The following PCDHGA8 variants were observed in gnomAD, a reference collection of about 807,000 sequenced individuals.
PCDHGA8 encodes protocadherin gamma-A8.
In PCDHGA8, 45 loss-of-function variants were observed where a neutral mutation model predicts 59.2. The observed-to-expected ratio is 0.76, with a 90% CI of 0.60 to 0.98. The LOEUF is 0.98. PCDHGA8 is among the 50% of genes least tolerant of loss of function. PCDHGA8 has a pLI of 0.00. For synonymous variants in PCDHGA8, 531 were observed against 519.0 expected, an observed-to-expected ratio of 1.02 and a Z score of -0.32; for missense variants, 1,257 against 1,196.2, an observed-to-expected ratio of 1.05 and a Z score of -0.75.
At chr5:141,457,929 C>T (rs1207409757) in intron 1 of PCDHGA8, among the ~76,000 whole-genome samples, 2 of 152,194 alleles carry the variant, frequency 1.3e-5, no homozygotes, top group Non-Finnish European at 2.9e-5. Context: ...CCCCAAGGGG[C>T]TTTTATTGGC....
At position 141,493,093 on chromosome 5, in the gene PCDHGA8, A is replaced by G. The variant is rs78102761; in HGVS notation, c.2425-1714A>G. On this transcript the variant is annotated intron_variant, in intron 1 of 3. Transcript: ENST00000398604. The surrounding 1 kb of genome is among the most constrained non-coding windows in gnomAD (Gnocchi z 4.3). ...CTCCAACTCCAGGAGCTTTTATTCA[A>G]AATATATCAATGCCTAACTCTGCTC... 0.034 allele frequency among the ~76,000 whole-genome samples: 5,198 copies of G among 152,282 alleles called. 159 individuals carry two copies. Among genetic ancestry groups the G allele is most frequent in the African/African-American group, 0.079 (3,275 of 41,546 alleles).
intron 1 of PCDHGA8, chr5:141,410,447 C>T (rs760711107): frequency 3.1e-6 from 5 of 1,613,984 alleles, no homozygotes; most frequent in African/African-American, 2.7e-5. Context: ...GGGGACTTTG[C>T]CTTATTCTTA....
At chr5:141,420,259 G>A (rs775335307) in intron 1 of PCDHGA8, 8 of 1,564,678 alleles carry the variant, frequency 5.1e-6, no homozygotes, top group Non-Finnish European at 6.9e-6. Context: ...AAGCAGATAA[G>A]AAGATTCTTA....
At chr5:141,415,157 C>T in intron 1 of PCDHGA8, 1 of 1,613,864 alleles carries the variant, frequency 6.2e-7, no homozygotes, top group Non-Finnish European at 8.5e-7. Flanking sequence ...CTCTCCGCCA[C>T]TGTCACGCTC....
At chr5:141,414,421 A>G (rs1250470349) in intron 1 of PCDHGA8, 1 of 1,613,776 alleles carries the variant, frequency 6.2e-7, no homozygotes, top group African/African-American at 1.3e-5. Flanking sequence ...AGCCCTTGAC[A>G]GGGAACAGGT....
chr5:141,423,078 C>T (rs752144906), intron 1 of PCDHGA8: 2 of 1,614,108 alleles, frequency 1.2e-6, no homozygotes, highest in Non-Finnish European at 1.7e-6. Context: ...AGCCGGGACT[C>T]TTCGCGGTGG....
chr5:141,415,332 G>A (rs758125316), intron 1 of PCDHGA8: 1 of 1,614,214 alleles, frequency 6.2e-7, no homozygotes, highest in South Asian at 1.1e-5. Context: ...TGGCGCACAG[G>A]CTGCGGCGCT....
intron 1 of PCDHGA8, chr5:141,427,261 C>A (rs903526432): frequency 1.5e-5 from 7 of 456,556 alleles, no homozygotes; most frequent in African/African-American, 4.0e-5. Flanking sequence ...GGAGGCATGA[C>A]CAGCGAATGT....
intron 1 of PCDHGA8, among the ~76,000 whole-genome samples, chr5:141,465,319 T>A (rs184635197): frequency 4.6e-5 from 7 of 152,324 alleles, no homozygotes; most frequent in Admixed American, 1.3e-4. Flanking sequence ...GCCATGTCAA[T>A]GCAGTATTTT....
intron 1 of PCDHGA8, among the ~76,000 whole-genome samples, chr5:141,457,873 G>C (rs967389295): frequency 2.0e-5 from 3 of 152,200 alleles, no homozygotes; most frequent in Non-Finnish European, 4.4e-5. Context: ...CCACAGGTTA[G>C]GAACCCTGTG....
chr5:141,444,282 C>T (rs1341316344), intron 1 of PCDHGA8, among the ~76,000 whole-genome samples: 1 of 148,268 alleles, frequency 6.7e-6, no homozygotes, highest in African/African-American at 2.5e-5. Flanking sequence ...AGTGATTCTC[C>T]TGCCTCAGCC....
In PCDHGA8 at chr5:141,414,101, A is replaced by G. The variant is rs759223225; in HGVS notation, c.2424+18864A>G. On this transcript the variant is annotated intron_variant, in intron 1 of 3. Transcript: ENST00000398604. ...TATACTGGAGAAATAAAAATATCAG[A>G]AAATCTAGATTATGAAGAAACCGGT... 1.9e-6 allele frequency: 3 copies of G among 1,593,930 alleles called. No individual in the cohort carries two copies. The African/African-American group carries it at 4.0e-5, about 21-fold the overall frequency.
At position 141,431,784 on chromosome 5, in the gene PCDHGA8, A is replaced by G; in HGVS notation, c.2424+36547A>G. On this transcript the variant is annotated intron_variant, in intron 1 of 3. Coordinates refer to ENST00000398604, the MANE Select transcript of PCDHGA8 (RefSeq NM_032088.2). The surrounding 1 kb of genome is among the most constrained non-coding windows in gnomAD (Gnocchi z 4.8). ...CTGATCACTGTTCTGGACGTGAACG[A>G]CAATGCCCCAGAAGTGGTCCTCACC... 1 of 1,614,220 alleles carries G rather than the reference A, an allele frequency of 6.2e-7. No individual in the cohort carries two copies. Among genetic ancestry groups the G allele is most frequent in the Non-Finnish European group, 8.5e-7 (1 of 1,180,022 alleles).
At chr5:141,509,551 C>T (rs2099877337) in intron 3 of PCDHGA8, among the ~76,000 whole-genome samples, 1 of 152,164 alleles carries the variant, frequency 6.6e-6, no homozygotes, top group South Asian at 2.1e-4. Context: ...CTCATTTAGT[C>T]CTCACAGCAG....
At position 141,490,632 on chromosome 5, in the gene PCDHGA8, A is replaced by C; in HGVS notation, c.2425-4175A>C. Reference sequence around the variant, plus strand: ...AGCAGCTTTACACTGCTTACATCCTAGAAAACCGGCCTCCGGGCTCCCTTC... The same window carrying C: ...AGCAGCTTTACACTGCTTACATCCTCGAAAACCGGCCTCCGGGCTCCCTTC... On this transcript the variant is annotated intron_variant, in intron 1 of 3. Transcript: ENST00000398604. This position sits in a 1 kb window ranked among gnomAD's most constrained non-coding sequence, Gnocchi z 5.4. The C allele has an allele frequency of 1.2e-6, 2 of 1,614,196 alleles. No individual in the cohort carries two copies. Among genetic ancestry groups the C allele is most frequent in the South Asian group, 1.1e-5 (1 of 91,088 alleles).
chr5:141,488,441 C>T (rs1320712074), intron 1 of PCDHGA8, among the ~76,000 whole-genome samples: 1 of 152,206 alleles, frequency 6.6e-6, no homozygotes, highest in Non-Finnish European at 1.5e-5. Flanking sequence ...TGACCACCCT[C>T]CTGGGTGACC....
chr5:141,494,142 A>G (rs2099752161), intron 1 of PCDHGA8, among the ~76,000 whole-genome samples: 1 of 152,090 alleles, frequency 6.6e-6, no homozygotes, highest in South Asian at 2.1e-4. Context: ...TTAGTCACAG[A>G]CCATTGTCTG....
intron 1 of PCDHGA8, among the ~76,000 whole-genome samples, chr5:141,481,728 C>T (rs529419213): frequency 2.1e-4 from 32 of 152,032 alleles, no homozygotes; most frequent in African/African-American, 7.2e-4. Flanking sequence ...CGGAGGCGGG[C>T]GGATCACGAG....
chr5:141,409,552 A>G, intron 1 of PCDHGA8: 8 of 1,613,962 alleles, frequency 5.0e-6, no homozygotes, highest in Non-Finnish European at 6.8e-6. Flanking sequence ...ACAACGCCCC[A>G]GTTTTCGACC....
Sources: allele counts gnomAD v4.1 joint callset (sites outside exome capture counted in the v4.1 genomes callset), GRCh38; gene constraint gnomAD v4.1.1; non-coding constraint Gnocchi (gnomAD v3.1); transcripts MANE v1.5; gene names NCBI Gene and HGNC (gene_info 2026-07-23, HGNC 2026-07-21).